MAPKAP1: variants seen among roughly 807,000 people sequenced by gnomAD.
MAPKAP1 encodes the protein MAPK associated protein 1, also known as target of rapamycin complex 2 subunit MAPKAP1.
MAPKAP1 carries 20 observed loss-of-function variants against 65.7 expected under a neutral mutation model. The ratio of observed to expected loss-of-function variants is 0.30; its 90% CI spans 0.21 to 0.44. The LOEUF is 0.44. MAPKAP1 is among the 20% of genes least tolerant of loss of function. The pLI is 1.00. For synonymous variants in MAPKAP1, 222 were observed against 244.3 expected (o/e 0.91, Z 0.85); for missense variants, 423 against 648.0 (o/e 0.65, Z 3.77).
chr9:125,537,834 T>C (rs1830116061), intron 7 of MAPKAP1, among the ~76,000 whole-genome samples: 1 of 152,144 alleles, frequency 6.6e-6, no homozygotes, highest in East Asian at 1.9e-4. Context: ...TCTCAGTCTA[T>C]CTGGCATGAA....
intron 6 of MAPKAP1, 111 bp from the exon 7 acceptor site, chr9:125,543,279 GT>G: frequency 1.2e-6 from 1 of 804,740 alleles, no homozygotes; most frequent in Non-Finnish European, 2.0e-6. Flanking sequence ...GTTTTGTTTT[GT>G]TTTTGAAATG....
At chr9:125,606,486 C>T (rs1424125759) in intron 4 of MAPKAP1, among the ~76,000 whole-genome samples, 1 of 152,092 alleles carries the variant, frequency 6.6e-6, no homozygotes, top group Non-Finnish European at 1.5e-5. Context: ...TCCCATTTAC[C>T]CTCAGTTTCC....
intron 9 of MAPKAP1, among the ~76,000 whole-genome samples, chr9:125,481,467 G>C (rs1412463715): frequency 6.6e-6 from 1 of 152,090 alleles, no homozygotes; most frequent in Non-Finnish European, 1.5e-5. Flanking sequence ...CTGTCGCCCA[G>C]GCTGGAGTGT....
rs1852359049 is a variant in MAPKAP1 at position 125,438,115 on chromosome 9, G to T, written c.*772C>A. 5.3e-6 allele frequency: 2 copies of T among 374,236 alleles called. No individual in the cohort carries two copies. The highest frequency in any genetic ancestry group is 9.5e-6 in the Non-Finnish European group (2 of 211,198). 23.2% of individuals were successfully genotyped at this position (374,236 alleles called of 1,614,324 possible). On this transcript the variant is annotated 3_prime_UTR_variant, in exon 12 of 12. Transcript: ENST00000265960. ...AGAAACGGAAAGACCATGTCTGGCT[G>T]GGAGTGCAGCGTGCCTGAGGACCAG...
At chr9:125,591,825 G>A (rs1831974912) in intron 4 of MAPKAP1, among the ~76,000 whole-genome samples, 1 of 152,106 alleles carries the variant, frequency 6.6e-6, no homozygotes, top group South Asian at 2.1e-4. Flanking sequence ...GGTGACCGAA[G>A]GATTAAAAGT....
intron 7 of MAPKAP1, among the ~76,000 whole-genome samples, chr9:125,528,221 C>T (rs1829828810): frequency 6.6e-6 from 1 of 152,180 alleles, no homozygotes; most frequent in African/African-American, 2.4e-5. Flanking sequence ...GGGGACAGGG[C>T]CACAGTGCCT....
intron 1 of MAPKAP1, among the ~76,000 whole-genome samples, chr9:125,693,666 C>CATATACACGTATACATACACGTAT (rs1835264590): frequency 7.4e-6 from 1 of 134,328 alleles, no homozygotes; most frequent in South Asian, 2.3e-4. Context: ...CATACACACA[C>CATATACACGTATACATACACGTAT]ATATACACGT....
chr9:125,494,920 G>A (rs1257755699), intron 8 of MAPKAP1, among the ~76,000 whole-genome samples: 1 of 152,196 alleles, frequency 6.6e-6, no homozygotes, highest in Non-Finnish European at 1.5e-5. Context: ...GGCTGGCCCA[G>A]AGGAGGGCTC....
chr9:125,645,515 T>A (rs1035234637), intron 4 of MAPKAP1, among the ~76,000 whole-genome samples: 1 of 152,136 alleles, frequency 6.6e-6, no homozygotes, highest in Non-Finnish European at 1.5e-5. Context: ...GGCGGGCAGA[T>A]CACCTGAGCT....
rs146897656 is a variant in MAPKAP1 at position 125,448,587 on chromosome 9, G to A, written c.1346-3989C>T. On this transcript the variant is annotated intron_variant, in intron 10 of 11. Coordinates refer to ENST00000265960, the MANE Select transcript of MAPKAP1 (RefSeq NM_001006617.3). ...CAGGCATCTCCCTGGGGCGTTAGAG[G>A]GAATCAGAGGTAGGCAAGTTACCTT... 3.5e-3 allele frequency among the ~76,000 whole-genome samples: 528 copies of A among 152,298 alleles called. 4 individuals carry two copies. Among genetic ancestry groups the A allele is most frequent in the African/African-American group, 0.012 (503 of 41,552 alleles).
At chr9:125,493,378 T>A (rs571490425) in intron 8 of MAPKAP1, among the ~76,000 whole-genome samples, 50 of 152,206 alleles carry the variant, frequency 3.3e-4, no homozygotes, top group Non-Finnish European at 3.7e-4. Flanking sequence ...CCTAAAGCAT[T>A]ATAGCCCTTT....
At chr9:125,555,354 A>T (rs1311411794) in intron 6 of MAPKAP1, among the ~76,000 whole-genome samples, 1 of 152,256 alleles carries the variant, frequency 6.6e-6, no homozygotes, top group East Asian at 1.9e-4. Context: ...AGACTTAACA[A>T]AGGTAAGTAA....
chr9:125,700,445 G>A (rs945309045), intron 1 of MAPKAP1, among the ~76,000 whole-genome samples: 5 of 152,066 alleles, frequency 3.3e-5, no homozygotes, highest in Non-Finnish European at 7.4e-5. Flanking sequence ...CTTATATTTA[G>A]GCATAAATGT....
In MAPKAP1 at chr9:125,707,173, C is replaced by A. The variant is rs1017215947; in HGVS notation, c.-272G>T. 33 of 398,060 alleles carry A rather than the reference C, an allele frequency of 8.3e-5. No homozygotes were observed. The highest frequency in any genetic ancestry group is 1.3e-4 in the Non-Finnish European group (30 of 225,754). 24.7% of individuals were successfully genotyped at this position (398,060 alleles called of 1,614,324 possible). ...CTGCTGCTCGCCGCCGCCGGCCGGC[C>A]GAGCAGCAGCCCTATTACCCCGAGC... On this transcript the variant is annotated 5_prime_UTR_variant, in exon 1 of 12. Coordinates refer to ENST00000265960, the MANE Select transcript of MAPKAP1 (RefSeq NM_001006617.3).
intron 1 of MAPKAP1, among the ~76,000 whole-genome samples, chr9:125,674,724 A>T (rs1429774481): frequency 6.6e-6 from 1 of 152,232 alleles, no homozygotes; most frequent in African/African-American, 2.4e-5. Context: ...GAGCATCTCT[A>T]ATCAAGCAAA....
chr9:125,538,865 G>A (rs1301867568), intron 7 of MAPKAP1, among the ~76,000 whole-genome samples: 1 of 152,132 alleles, frequency 6.6e-6, no homozygotes, highest in Non-Finnish European at 1.5e-5. Flanking sequence ...CTACAGATAC[G>A]TTATGGATCG....
At chr9:125,494,532 G>A (rs1854864673) in intron 8 of MAPKAP1, among the ~76,000 whole-genome samples, 1 of 152,158 alleles carries the variant, frequency 6.6e-6, no homozygotes, top group East Asian at 1.9e-4. Flanking sequence ...TGTTTTATGA[G>A]GTAGTCAGAA....
intron 11 of MAPKAP1, among the ~76,000 whole-genome samples, chr9:125,443,166 C>T (rs545780593): frequency 1.6e-4 from 25 of 152,348 alleles, no homozygotes; most frequent in Admixed American, 1.4e-3. Flanking sequence ...AGCATATCTT[C>T]GCTACTTCTG....
At chr9:125,518,856 C>A (rs1246909478) in intron 7 of MAPKAP1, among the ~76,000 whole-genome samples, 1 of 152,192 alleles carries the variant, frequency 6.6e-6, no homozygotes, top group Non-Finnish European at 1.5e-5. Flanking sequence ...TCTGGAGGGT[C>A]ATGAACCAAA....
Sources: allele counts gnomAD v4.1 joint callset (sites outside exome capture counted in the v4.1 genomes callset), GRCh38; gene constraint gnomAD v4.1.1; transcripts MANE v1.5; gene names NCBI Gene and HGNC (gene_info 2026-07-23, HGNC 2026-07-21).